Variants in TMC7 observed in about 807,000 individuals in gnomAD.
TMC7 encodes transmembrane channel like 7, also known as transmembrane channel-like protein 7.
TMC7 carries 54 observed loss-of-function variants against 82.9 expected under a neutral mutation model. The observed-to-expected ratio is 0.65, with a 90% CI of 0.52 to 0.82. The LOEUF (loss-of-function observed/expected upper bound fraction) is 0.82, where lower values mean the gene tolerates loss of function less well. TMC7 is among the 40% of genes least tolerant of loss of function. The probability of loss-of-function intolerance (pLI) is 0.00; values close to 1 mark genes in which losing one functional copy is unlikely to be tolerated. For missense variants in TMC7, 820 were observed against 901.2 expected, an observed-to-expected ratio of 0.91 and a Z score of 1.15; for synonymous variants, 350 against 337.9, an observed-to-expected ratio of 1.04 and a Z score of -0.39.
intron 1 of TMC7, among the ~76,000 whole-genome samples, chr16:18,988,156 C>CTTT (rs760359195): frequency 0.027 from 3,470 of 128,934 alleles, 161 homozygotes; most frequent in African/African-American, 0.095. Flanking sequence ...TTCTCTCTTT[C>CTTT]TTTTTTTTTT....
rs887023904 is a variant in TMC7, at chr16:19,021,732, A to G, written c.564A>G (p.Pro188=). The G allele has an allele frequency of 1.9e-6, 3 of 1,614,004 alleles. No individual in the cohort carries two copies. The highest frequency in any genetic ancestry group is 1.6e-4 in the Middle Eastern group (1 of 6,084). Residue 188 remains proline, a synonymous_variant, in exon 4 of 16, where the codon CCA becomes CCG. Transcript: ENST00000304381. ...FLIIFMLVLL[P]VLLTKYKITN... is the part of the protein sequence containing the mutation. ...TCATCTTTATGCTGGTTTTGCTCCC[A>G]GTCTTACTCACGAAATACAAGATCA...
At chr16:19,006,035 AC>A (rs962425422) in intron 1 of TMC7, among the ~76,000 whole-genome samples, 2 of 152,108 alleles carry the variant, frequency 1.3e-5, no homozygotes, top group African/African-American at 4.8e-5. Flanking sequence ...ACCGGTCCCC[AC>A]CTGGCCCTGC....
intron 1 of TMC7, among the ~76,000 whole-genome samples, chr16:18,997,996 T>C (rs917010596): frequency 6.6e-6 from 1 of 151,906 alleles, no homozygotes; most frequent in Non-Finnish European, 1.5e-5. Context: ...TCTCCCAAAA[T>C]GCTGGGATTA....
At chr16:19,037,459 A>G (rs1960806250) in intron 7 of TMC7, among the ~76,000 whole-genome samples, 1 of 138,668 alleles carries the variant, frequency 7.2e-6, no homozygotes, top group East Asian at 2.3e-4. Flanking sequence ...GGAGATGAAT[A>G]TTTAAAAGAT....
intron 5 of TMC7, among the ~76,000 whole-genome samples, chr16:19,027,282 G>C (rs943910795): frequency 6.6e-6 from 1 of 151,602 alleles, no homozygotes; most frequent in African/African-American, 2.4e-5. Flanking sequence ...GGCCAGGCTG[G>C]TCTTGAACCC....
intron 1 of TMC7, among the ~76,000 whole-genome samples, chr16:18,984,743 T>C (rs2038813240): frequency 6.6e-6 from 1 of 152,142 alleles, no homozygotes; most frequent in South Asian, 2.1e-4. Context: ...TTATAATCTT[T>C]TGTATCGGGT....
chr16:19,025,317 G>A (rs892598577), intron 5 of TMC7, among the ~76,000 whole-genome samples: 2 of 151,910 alleles, frequency 1.3e-5, no homozygotes, highest in African/African-American at 2.4e-5. Context: ...GAAAATTACT[G>A]GTATCAAAAT....
chr16:18,984,081 C>T lies in TMC7; in HGVS notation c.18C>T (p.Gly6=). The T allele has an allele frequency of 6.7e-7, 1 of 1,500,296 alleles. No individual in the cohort carries two copies. Among genetic ancestry groups the T allele is most frequent in the Non-Finnish European group, 8.8e-7 (1 of 1,132,766 alleles). 92.9% of individuals were successfully genotyped at this position (1,500,296 alleles called of 1,614,324 possible). MSESS[G]SALQPGRPSR... ...GCGCGGCCATGAGCGAGTCCAGCGG[C>T]AGTGCGCTCCAGCCCGGCAGGCCCA... is the stretch of plus-strand genomic sequence containing the variant. Residue 6 remains glycine, a synonymous_variant, in exon 1 of 16, where the codon GGC becomes GGT. Transcript: ENST00000304381.
Position 19,061,495 on chromosome 16 carries a change from G to C in TMC7, c.2107-283G>C, listed in dbSNP as rs535141811. On this transcript the variant is annotated intron_variant, in intron 15 of 15. Transcript: ENST00000304381. ...AGATGGGGTTTTACTATATTGGTCA[G>C]GCTGGTCTCAAACTTCTGACCTCAG... is the stretch of plus-strand genomic sequence containing the variant. Among the ~76,000 whole-genome samples the C allele has an allele frequency of 8.5e-5, 13 of 152,188 alleles. No homozygotes were observed. In the South Asian group the frequency reaches 2.5e-3, roughly 29 times the overall value.
intron 2 of TMC7, 66 bp from the exon 3 acceptor site, chr16:19,016,384 C>T (rs1959692951): frequency 3.8e-6 from 6 of 1,595,916 alleles, no homozygotes; most frequent in Middle Eastern, 3.6e-4. Context: ...GCTACTGTGC[C>T]AGGCTGGGAT....
intron 12 of TMC7, among the ~76,000 whole-genome samples, chr16:19,051,453 C>A (rs1961538115): frequency 6.7e-6 from 1 of 149,306 alleles, no homozygotes; most frequent in Non-Finnish European, 1.5e-5. Context: ...CTTCCTGTGT[C>A]CATGTGTTCT....
At chr16:19,025,803 A>G (rs1960197321) in intron 5 of TMC7, among the ~76,000 whole-genome samples, 1 of 151,224 alleles carries the variant, frequency 6.6e-6, no homozygotes, top group South Asian at 2.1e-4. Flanking sequence ...TGTTGCTCAG[A>G]GAGTGCAGTG....
rs1270663698 is a variant in TMC7 at position 19,030,381 on chromosome 16, C to A, written c.857+12C>A. Reference sequence around the variant, plus strand: ...TGGATAGTGAAAAGGTAAAGTCTGCCTTTGCATTCTCTCTGAATTACCCCT... The same window carrying A: ...TGGATAGTGAAAAGGTAAAGTCTGCATTTGCATTCTCTCTGAATTACCCCT... On this transcript the variant is annotated intron_variant, in intron 6 of 15. Transcript: ENST00000304381. The A allele has an allele frequency of 1.2e-6, 2 of 1,602,808 alleles. No homozygotes were observed. The highest frequency in any genetic ancestry group is 3.5e-5 in the Admixed American group (2 of 57,818).
chr16:19,014,016 G>C (rs1225432323), intron 2 of TMC7, among the ~76,000 whole-genome samples: 1 of 151,896 alleles, frequency 6.6e-6, no homozygotes, highest in Non-Finnish European at 1.5e-5. Context: ...ACCGCACCCA[G>C]CTAATTTTTT....
chr16:19,054,166 C>T lies in TMC7; in HGVS notation c.1871+2350C>T, dbSNP rs185547969. Among the ~76,000 whole-genome samples, 24 of 152,266 alleles carry T rather than the reference C, an allele frequency of 1.6e-4. 1 individual carries two copies. In the East Asian group the frequency reaches 4.4e-3, roughly 28 times the overall value. ...CTTTGTGATGTGAATTTAGTCAGTTCTTTCCAGGTCTTAATTTTAGTGCTT... is the reference window on the plus strand; with the variant it reads ...CTTTGTGATGTGAATTTAGTCAGTTTTTTCCAGGTCTTAATTTTAGTGCTT... On this transcript the variant is annotated intron_variant, in intron 13 of 15. Transcript: ENST00000304381.
chr16:18,998,691 T>C (rs1423833348), intron 1 of TMC7, among the ~76,000 whole-genome samples: 3 of 151,284 alleles, frequency 2.0e-5, no homozygotes, highest in Non-Finnish European at 4.4e-5. Context: ...GAGGCGGAGC[T>C]TGCAGTGAGC....
chr16:19,020,853 A>AAAAT (rs144614183), intron 3 of TMC7, among the ~76,000 whole-genome samples: 71,951 of 142,338 alleles, frequency 0.51, 19,148 homozygotes, highest in East Asian at 0.75. Flanking sequence ...CATGGTGTCA[A>AAAAT]AAATAAATAA....
chr16:19,063,278 C>T lies in TMC7; in HGVS notation c.*1435C>T, dbSNP rs1250163805. 1 of 152,170 alleles carries T rather than the reference C, an allele frequency of 6.6e-6. No individual in the cohort carries two copies. Among genetic ancestry groups the T allele is most frequent in the Non-Finnish European group, 1.5e-5 (1 of 68,050 alleles). The allele number at this position is 152,170 out of a possible 1,614,324, so 9.4% of individuals were successfully genotyped here. On this transcript the variant is annotated 3_prime_UTR_variant, in exon 16 of 16. Transcript: ENST00000304381. ...ACTTAAAAAAATAAATTCTGCTGGG[C>T]ACAGTGGCTCATGCCTGCAATCCCA...
At position 19,016,454 on chromosome 16, in the gene TMC7, A is replaced by T; in HGVS notation, c.316A>T (p.Ile106Phe). 1 of 1,614,170 alleles carries T rather than the reference A, an allele frequency of 6.2e-7. No homozygotes were observed. The highest frequency in any genetic ancestry group is 8.5e-7 in the Non-Finnish European group (1 of 1,180,014). The change falls in exon 3 of 16, where the codon ATT becomes TTT. Residue 106 changes from isoleucine (I) to phenylalanine (F), a missense_variant. Around this residue, in one of 2 missense-constraint regions of TMC7, gnomAD observed 650 missense variants for 669.9 expected, o/e 0.97. Transcript: ENST00000304381. Reference sequence around the variant, plus strand: ...ATGATCATGTTTTCCATGCAGGGACATTCAAGAGACACAAATGAAGTATCT... The same window carrying T: ...ATGATCATGTTTTCCATGCAGGGACTTTCAAGAGACACAAATGAAGTATCT... ...NISEKRRLRD[I>F]QETQMKYLSE...
Sources: allele counts gnomAD v4.1 joint callset (sites outside exome capture counted in the v4.1 genomes callset), GRCh38; gene constraint gnomAD v4.1.1; regional missense constraint gnomAD v4.1.1; transcripts MANE v1.5; gene names NCBI Gene and HGNC (gene_info 2026-07-23, HGNC 2026-07-21).